KCNC1: variants seen among roughly 807,000 people sequenced by gnomAD.
The protein encoded by KCNC1 is potassium voltage-gated channel subfamily C member 1, also known as voltage-gated potassium channel KCNC1.
In KCNC1, 8 loss-of-function variants were observed where a neutral mutation model predicts 43.4. The ratio of observed to expected loss-of-function variants is 0.18; its 90% CI spans 0.11 to 0.33. The LOEUF (loss-of-function observed/expected upper bound fraction) is 0.33. KCNC1 is among the 10% of genes least tolerant of loss of function. The probability of loss-of-function intolerance (pLI) is 1.00; values close to 1 mark genes in which losing one functional copy is unlikely to be tolerated. For synonymous variants in KCNC1, 361 were observed against 360.5 expected, an observed-to-expected ratio of 1.00 and a Z score of -0.01; for missense variants, 420 against 836.0, an observed-to-expected ratio of 0.50 and a Z score of 6.14.
chr11:17,762,377 G>A (rs968212210), intron 1 of KCNC1, among the ~76,000 whole-genome samples: 1 of 152,222 alleles, frequency 6.6e-6, no homozygotes, highest in African/African-American at 2.4e-5. Context: ...GAGCTTCAAG[G>A]TGAGAGGCTC....
Position 17,773,436 on chromosome 11 carries a change from G to T in KCNC1, c.1504+838G>T, listed in dbSNP as rs1266912512. On this transcript the variant is annotated intron_variant, in intron 2 of 3. Transcript: ENST00000265969. The surrounding 1 kb of genome is among the most constrained non-coding windows in gnomAD (Gnocchi z 4.1). ...ACCACCCTGGGCAGCTTAGATGAAA[G>T]CGCTACAGACCAGCAACAGCCTCCC... is the stretch of plus-strand genomic sequence containing the variant. The T allele has an allele frequency of 1.8e-5, 18 of 985,246 alleles. No homozygotes were observed. Among genetic ancestry groups the T allele is most frequent in the Non-Finnish European group, 2.2e-5 (18 of 829,952 alleles). The allele number at this position is 985,246 out of a possible 1,614,324, so 61.0% of individuals were successfully genotyped here. A position where few individuals can be genotyped will look rare whatever the true frequency, so the allele number is the denominator to read the frequency against.
intron 1 of KCNC1, among the ~76,000 whole-genome samples, chr11:17,744,961 T>C (rs1848881172): frequency 1.3e-5 from 2 of 152,030 alleles, no homozygotes; most frequent in Non-Finnish European, 2.9e-5. Flanking sequence ...CATCGCTGCA[T>C]TGGGGCCTGA....
In KCNC1 at chr11:17,779,521, C is replaced by G. The variant is rs1412756924; in HGVS notation, c.1570C>G (p.Gln524Glu). The change falls in exon 3 of 4, where the codon CAG becomes GAG. Residue 524 changes from glutamine (Q) to glutamate (E), a missense_variant. Coordinates refer to ENST00000265969, the MANE Select transcript of KCNC1 (RefSeq NM_001112741.2). The surrounding 1 kb of genome is among the most constrained non-coding windows in gnomAD (Gnocchi z 7.2). Reference sequence around the variant, plus strand: ...GAACGAAGACTGCCCCCACATAGACCAGGCCCTCACTCCCGATGAGGGCCT... The same window carrying G: ...GAACGAAGACTGCCCCCACATAGACGAGGCCCTCACTCCCGATGAGGGCCT... ...LANEDCPHID[Q>E]ALTPDEGLPF... is the part of the protein sequence containing the mutation. 6.4e-7 allele frequency: 1 copy of G among 1,551,326 alleles called. No individual in the cohort carries two copies. Among genetic ancestry groups the G allele is most frequent in the Non-Finnish European group, 8.7e-7 (1 of 1,146,950 alleles).
chr11:17,769,260 T>A (rs1849194104), intron 1 of KCNC1, among the ~76,000 whole-genome samples: 1 of 151,954 alleles, frequency 6.6e-6, no homozygotes, highest in African/African-American at 2.4e-5. Context: ...TATTCAACTC[T>A]GTGCCAGGCA....
chr11:17,770,761 C>T (rs902769640), intron 1 of KCNC1, among the ~76,000 whole-genome samples: 1 of 152,120 alleles, frequency 6.6e-6, no homozygotes, highest in Non-Finnish European at 1.5e-5. Flanking sequence ...AGTAGGTGCC[C>T]ACACATGTTT....
chr11:17,775,281 T>TGG, intron 2 of KCNC1: 5 of 935,712 alleles, frequency 5.3e-6, no homozygotes, highest in Non-Finnish European at 6.4e-6. Context: ...TCTGAGGGCA[T>TGG]CCCTCCCGCC....
chr11:17,762,733 G>A (rs1021007442), intron 1 of KCNC1, among the ~76,000 whole-genome samples: 2 of 152,188 alleles, frequency 1.3e-5, no homozygotes, highest in Non-Finnish European at 2.9e-5. Context: ...CAGTGCTGAT[G>A]CTCCTGGAGA....
At chr11:17,745,302 G>A (rs920120731) in intron 1 of KCNC1, among the ~76,000 whole-genome samples, 4 of 152,154 alleles carry the variant, frequency 2.6e-5, no homozygotes, top group African/African-American at 4.8e-5. Context: ...TCACAGCCAT[G>A]GCAACCGCAT....
At position 17,779,652 on chromosome 11, in the gene KCNC1, G is replaced by A; in HGVS notation, c.1693+8G>A. ...GTGGAGGAATGAGAAAGGGTATGTA[G>A]AGGAAGCTGGAGCACCGTGCATCGT... On this transcript the variant is annotated splice_region_variant and intron_variant, in intron 3 of 3. Transcript: ENST00000265969. This position sits in a 1 kb window ranked among gnomAD's most constrained non-coding sequence, Gnocchi z 7.2. 6.6e-7 allele frequency: 1 copy of A among 1,523,710 alleles called. No homozygotes were observed. Among genetic ancestry groups the A allele is most frequent in the East Asian group, 2.5e-5 (1 of 40,106 alleles). The allele number at this position is 1,523,710 out of a possible 1,614,324, so 94.4% of individuals were successfully genotyped here.
In KCNC1 at chr11:17,736,621, C is replaced by G. The variant is rs1431313611; in HGVS notation, c.570+49C>G. 1.1e-5 allele frequency: 16 copies of G among 1,449,900 alleles called. No homozygotes were observed. Among genetic ancestry groups the G allele is most frequent in the African/African-American group, 1.4e-5 (1 of 69,774 alleles). 89.8% of individuals were successfully genotyped at this position (1,449,900 alleles called of 1,614,324 possible). On this transcript the variant is annotated intron_variant, in intron 1 of 3. Transcript: ENST00000265969. The surrounding 1 kb of genome is among the most constrained non-coding windows in gnomAD (Gnocchi z 9.3). ...AAGAGCGGGGCGGGAAGGCAGCGTC[C>G]TGTGCCTCCCCGCGGGCAGGGGTGG... is the stretch of plus-strand genomic sequence containing the variant.
At chr11:17,761,624 G>A (rs1233350586) in intron 1 of KCNC1, among the ~76,000 whole-genome samples, 1 of 152,218 alleles carries the variant, frequency 6.6e-6, no homozygotes, top group Non-Finnish European at 1.5e-5. Context: ...TCAGGTCTCT[G>A]GAGCCAAGTC....
intron 1 of KCNC1, among the ~76,000 whole-genome samples, chr11:17,741,013 C>G (rs1399337690): frequency 6.6e-6 from 1 of 151,892 alleles, no homozygotes; most frequent in East Asian, 1.9e-4. Flanking sequence ...AGGCAGTGCA[C>G]CCCCTTGCCT....
intron 1 of KCNC1, among the ~76,000 whole-genome samples, chr11:17,758,736 A>G (rs962612198): frequency 6.6e-6 from 1 of 152,226 alleles, no homozygotes; most frequent in Non-Finnish European, 1.5e-5. Flanking sequence ...TTTTCTGAGC[A>G]GTAGGTCTCA....
Position 17,747,089 on chromosome 11 carries a change from T to TA in KCNC1, c.570+10518dup, listed in dbSNP as rs533082212. 9.2e-4 allele frequency among the ~76,000 whole-genome samples: 140 copies of TA among 152,270 alleles called. 1 individual carries two copies. Among genetic ancestry groups the TA allele is most frequent in the African/African-American group, 3.2e-3 (134 of 41,562 alleles). On this transcript the variant is annotated intron_variant, in intron 1 of 3. Transcript: ENST00000265969. ...TCCTTCTTTTAGCTCCTGACTCTAC[T>TA]ATCAGATGCTTCTCCTAGGTGGCAG...
intron 1 of KCNC1, among the ~76,000 whole-genome samples, chr11:17,767,047 G>A (rs189823726): frequency 1.7e-3 from 252 of 151,102 alleles, no homozygotes; most frequent in African/African-American, 5.7e-3. Context: ...GCAGAGAATC[G>A]CTTGAACCCA....
intron 2 of KCNC1, chr11:17,775,334 C>T: frequency 1.0e-6 from 1 of 985,294 alleles, no homozygotes; most frequent in Non-Finnish European, 1.2e-6. Context: ...ACCTGCCCCT[C>T]ACCTCCACCT....
At chr11:17,758,899 CA>C in intron 1 of KCNC1, among the ~76,000 whole-genome samples, 1 of 152,320 alleles carries the variant, frequency 6.6e-6, no homozygotes, top group East Asian at 1.9e-4. Flanking sequence ...GTATTGGCTT[CA>C]ACTTAAAGTC....
intron 3 of KCNC1, chr11:17,780,169 G>A (rs1424166336): frequency 3.3e-5 from 5 of 152,780 alleles, no homozygotes; most frequent in African/African-American, 4.8e-5. Flanking sequence ...ATGTCTTCAG[G>A]GCTTGGGGGT....
At chr11:17,740,605 C>A (rs1007236069) in intron 1 of KCNC1, among the ~76,000 whole-genome samples, 1 of 152,128 alleles carries the variant, frequency 6.6e-6, no homozygotes, top group Non-Finnish European at 1.5e-5. Flanking sequence ...CCCATCAGGG[C>A]CAATGGTGGT....
Sources: gnomAD v4.1 joint callset for allele counts (sites outside exome capture counted in the v4.1 genomes callset) on GRCh38, gnomAD v4.1.1 for gene constraint, Gnocchi (gnomAD v3.1) non-coding constraint, MANE v1.5 for transcripts, NCBI Gene and HGNC (gene_info 2026-07-23, HGNC 2026-07-21) for gene names.